The following HTT variants were observed in gnomAD, a reference collection of about 807,000 sequenced individuals.
HTT encodes the protein huntington disease protein.
In HTT, 104 loss-of-function variants were observed where a neutral mutation model predicts 362.3. The ratio of observed to expected loss-of-function variants is 0.29; its 90% CI spans 0.24 to 0.34. HTT has a LOEUF of 0.34. Among genes scored for constraint, HTT ranks in the 10% least tolerant of loss-of-function variants. The pLI, the probability that HTT is intolerant of heterozygous loss-of-function variation, is 1.00. For missense variants in HTT, 3,301 were observed against 3,928.6 expected (o/e 0.84, Z 4.27); for synonymous variants, 1,577 against 1,548.7 (o/e 1.02, Z -0.43).
chr4:3,209,010 A>C, intron 46 of HTT, 99 bp downstream of exon 46: 1 of 1,325,988 alleles, frequency 7.5e-7, no homozygotes, highest in Non-Finnish European at 1.0e-6. Context: ...CGTGGACCCA[A>C]GGAGTTCTGG....
At chr4:3,207,730 T>C (rs1341120515) in intron 45 of HTT, among the ~76,000 whole-genome samples, 3 of 152,240 alleles carry the variant, frequency 2.0e-5, no homozygotes, top group Admixed American at 1.3e-4. Context: ...TTGGCAAATC[T>C]GAGAGACATT....
intron 47 of HTT, 117 bp downstream of exon 47, chr4:3,210,066 T>C (rs1366443620): frequency 2.3e-6 from 3 of 1,312,816 alleles, no homozygotes; most frequent in African/African-American, 2.9e-5. Context: ...GACTCCAGTC[T>C]GGGCAGGGAC....
intron 28 of HTT, 79 bp from the exon 29 acceptor site, chr4:3,160,203 G>A: frequency 5.5e-6 from 5 of 912,592 alleles, no homozygotes; most frequent in Non-Finnish European, 8.9e-6. Flanking sequence ...TGCAGCCGTC[G>A]ATGTTTGTGT....
intron 41 of HTT, among the ~76,000 whole-genome samples, chr4:3,201,931 C>A (rs1360533847): frequency 1.3e-5 from 2 of 152,204 alleles, no homozygotes; most frequent in Non-Finnish European, 2.9e-5. Flanking sequence ...ATTCCTGCTG[C>A]TTACTCTTGA....
chr4:3,160,205 T>G, intron 28 of HTT, 77 bp from the exon 29 acceptor site: 2 of 916,530 alleles, frequency 2.2e-6, no homozygotes, highest in Non-Finnish European at 3.5e-6. Context: ...CAGCCGTCGA[T>G]GTTTGTGTCT....
At chr4:3,149,732 C>T (rs1311679345) in intron 26 of HTT, among the ~76,000 whole-genome samples, 2 of 152,226 alleles carry the variant, frequency 1.3e-5, no homozygotes, top group Non-Finnish European at 2.9e-5. Flanking sequence ...TCTCCCTTCT[C>T]TGCAAACATC....
chr4:3,239,290 C>A (rs1308947967), intron 66 of HTT, among the ~76,000 whole-genome samples: 1 of 152,178 alleles, frequency 6.6e-6, no homozygotes, highest in Non-Finnish European at 1.5e-5. Context: ...CGCCCACTCG[C>A]GGGCTCTGTG....
At chr4:3,152,147 G>A (rs1300702070) in intron 26 of HTT, among the ~76,000 whole-genome samples, 1 of 150,072 alleles carries the variant, frequency 6.7e-6, no homozygotes, top group Non-Finnish European at 1.5e-5. Context: ...CGCCCAGGCT[G>A]GAGTGGGTTG....
At chr4:3,119,184 A>G (rs1715174569) in intron 8 of HTT, among the ~76,000 whole-genome samples, 1 of 152,226 alleles carries the variant, frequency 6.6e-6, no homozygotes, top group African/African-American at 2.4e-5. Flanking sequence ...CGTATTAGAA[A>G]CCATTCTTCT....
At chr4:3,136,490 A>C (rs1241122748) in intron 21 of HTT, among the ~76,000 whole-genome samples, 164 bp downstream of exon 21, 4 of 152,196 alleles carry the variant, frequency 2.6e-5, no homozygotes, top group Non-Finnish European at 5.9e-5. Flanking sequence ...AAATCCAAAA[A>C]AGTCTAAAAT....
intron 44 of HTT, 27 bp downstream of exon 44, chr4:3,207,010 G>T: frequency 1.3e-6 from 2 of 1,581,440 alleles, no homozygotes; most frequent in South Asian, 1.2e-5. Context: ...CCCTGATATT[G>T]ATTTATATTG....
At chr4:3,125,496 T>C in intron 10 of HTT, 53 bp from the exon 11 acceptor site, 2 of 1,167,116 alleles carry the variant, frequency 1.7e-6, no homozygotes, top group East Asian at 2.3e-5. Context: ...TACTTAATTT[T>C]GAAGTCCTTA....
At chr4:3,104,014 A>C (rs2110160165) in intron 4 of HTT, 131 bp downstream of exon 4, 1 of 590,146 alleles carries the variant, frequency 1.7e-6, no homozygotes, top group Non-Finnish European at 3.0e-6. Context: ...TATACAATAC[A>C]TAATAATCAC....
rs760418063 is a variant in HTT, at chr4:3,173,139, T to C, written c.4166+8T>C. 6.2e-7 allele frequency: 1 copy of C among 1,610,220 alleles called. No individual in the cohort carries two copies. The highest frequency in any genetic ancestry group is 1.1e-5 in the South Asian group (1 of 91,002). ...GGAGAACGACACCTCGGGGTAACAGTTGTGGCAAGAATGCTGTCGTTGGTG... is the reference window on the plus strand; with the variant it reads ...GGAGAACGACACCTCGGGGTAACAGCTGTGGCAAGAATGCTGTCGTTGGTG... On this transcript the variant is annotated splice_region_variant and intron_variant, in intron 31 of 66. Coordinates refer to ENST00000355072, the MANE Select transcript of HTT (RefSeq NM_001388492.1).
In HTT at chr4:3,206,345, A is replaced by G; in HGVS notation, c.5719-151A>G. On this transcript the variant is annotated intron_variant, in intron 42 of 66. Coordinates refer to ENST00000355072, the MANE Select transcript of HTT (RefSeq NM_001388492.1). The surrounding 1 kb of genome is among the most constrained non-coding windows in gnomAD (Gnocchi z 4.6). ...GTAAATCGAGTTTCCTACCTCCTCAATTATTTGTGCTCATACACTGTATAT... is the reference window on the plus strand; with the variant it reads ...GTAAATCGAGTTTCCTACCTCCTCAGTTATTTGTGCTCATACACTGTATAT... The G allele has an allele frequency of 1.6e-6, 1 of 628,424 alleles. No homozygotes were observed. Among genetic ancestry groups the G allele is most frequent in the East Asian group, 2.8e-5 (1 of 36,166 alleles). 38.9% of individuals were successfully genotyped at this position (628,424 alleles called of 1,614,324 possible).
At chr4:3,113,949 G>C (rs1241708899) in intron 6 of HTT, among the ~76,000 whole-genome samples, 4 of 152,146 alleles carry the variant, frequency 2.6e-5, no homozygotes, top group African/African-American at 9.7e-5. Flanking sequence ...AGGAATTAAA[G>C]ACACACACAC....
chr4:3,148,602 C>T (rs1462424524), intron 26 of HTT, among the ~76,000 whole-genome samples: 1 of 152,124 alleles, frequency 6.6e-6, no homozygotes, highest in Non-Finnish European at 1.5e-5. Flanking sequence ...TCAAGACCAT[C>T]CTGGCTAACA....
rs1218789279 is a variant in HTT at position 3,206,534 on chromosome 4, C to T, written c.5757C>T (p.Leu1919=). 6.2e-7 allele frequency: 1 copy of T among 1,613,994 alleles called. No homozygotes were observed. The highest frequency in any genetic ancestry group is 8.5e-7 in the Non-Finnish European group (1 of 1,180,012). The change falls in exon 43 of 67, where the codon CTC becomes CTT. Residue 1919 remains leucine (L), a synonymous_variant. Transcript: ENST00000355072. The surrounding 1 kb of genome is among the most constrained non-coding windows in gnomAD (Gnocchi z 4.6). Reference sequence around the variant, plus strand: ...ATGACTCCGAGCACTTAACGTGGCTCATTGTAAATCACATTCAAGATCTGA... The same window carrying T: ...ATGACTCCGAGCACTTAACGTGGCTTATTGTAAATCACATTCAAGATCTGA... ...NLHDSEHLTW[L]IVNHIQDLIS...
rs141927489 is a variant in HTT at position 3,238,585 on chromosome 4, G to A, written c.9030G>A (p.Gln3010=). 4.1e-3 allele frequency: 6,567 copies of A among 1,611,574 alleles called. 31 individuals carry two copies. Among genetic ancestry groups the A allele is most frequent in the Non-Finnish European group, 4.7e-3 (5,517 of 1,178,742 alleles). ...TGTCCAACCAGCAGCCATACCCCCA[G>A]TTCATGGCCACCGTGGTGTATAAGG... The part of the protein sequence containing the change: ...EFLSNQQPYP[Q]FMATVVYKVF... The change falls in exon 65 of 67, where the codon CAG becomes CAA. Residue 3010 remains glutamine (Q), a synonymous_variant. Transcript: ENST00000355072.
Sources: gnomAD v4.1 joint callset for allele counts (sites outside exome capture counted in the v4.1 genomes callset) on GRCh38, gnomAD v4.1.1 for gene constraint, Gnocchi (gnomAD v3.1) non-coding constraint, MANE v1.5 for transcripts, NCBI Gene and HGNC (gene_info 2026-07-23, HGNC 2026-07-21) for gene names.